Variants in GTPBP1 observed in about 807,000 individuals in gnomAD.
GTPBP1 encodes the protein GTP binding protein 1.
Under a neutral mutation model 62.0 loss-of-function variants are expected in GTPBP1, and 23 were observed. The ratio of observed to expected loss-of-function variants is 0.37; its 90% confidence interval spans 0.27 to 0.53. GTPBP1 has a LOEUF of 0.53. Ranked by LOEUF, GTPBP1 falls within the 20% of genes least tolerant of loss-of-function variation. GTPBP1 has a pLI of 0.89. For synonymous variants in GTPBP1, 344 were observed against 364.4 expected (o/e 0.94, Z 0.64); for missense variants, 640 against 917.3 (o/e 0.70, Z 3.90).
At chr22:38,707,297 T>C (rs1010194789) in intron 1 of GTPBP1, among the ~76,000 whole-genome samples, 4 of 152,228 alleles carry the variant, frequency 2.6e-5, no homozygotes, top group Admixed American at 6.5e-5. Flanking sequence ...TTGAAAATGT[T>C]TGTGACTTTT....
chr22:38,739,001 A>T, downstream of GTPBP1: 10 of 1,601,576 alleles, frequency 6.2e-6, no homozygotes, highest in Non-Finnish European at 8.5e-6. The surrounding 1 kb of genome is among the most constrained non-coding windows in gnomAD (Gnocchi z 6.7). Flanking sequence ...GAGACAGGAG[A>T]GGAAGGCAGG....
At position 38,726,855 on chromosome 22, in the gene GTPBP1, TA is replaced by T. The variant is rs750108023; in HGVS notation, c.1402-355del. Among the ~76,000 whole-genome samples, 2 of 152,178 alleles carry T rather than the reference TA, an allele frequency of 1.3e-5. No homozygotes were observed. The highest frequency in any genetic ancestry group is 2.9e-5 in the Non-Finnish European group (2 of 68,032). Reference sequence around the variant, plus strand: ...GGGTCACCTACCTTTACCCACCAACTAAATTAACCAGGAATAGTAGGACTTT... The same window carrying T: ...GGGTCACCTACCTTTACCCACCAACTAATTAACCAGGAATAGTAGGACTTT... On this transcript the variant is annotated intron_variant, in intron 8 of 11. Coordinates refer to ENST00000216044, the MANE Select transcript of GTPBP1 (RefSeq NM_004286.5). This position sits in a 1 kb window ranked among gnomAD's most constrained non-coding sequence, Gnocchi z 4.1.
intron 10 of GTPBP1, chr22:38,729,234 A>G: frequency 2.4e-6 from 1 of 418,514 alleles, no homozygotes; most frequent in Non-Finnish European, 4.2e-6. Flanking sequence ...GCAGGAAGTG[A>G]GGCATGAGTC....
chr22:38,741,425 G>A (rs2092856639), downstream of GTPBP1: 5 of 1,498,608 alleles, frequency 3.3e-6, no homozygotes, highest in African/African-American at 1.4e-5. Context: ...GGGCCGAGGG[G>A]TCCGAGGTGA....
chr22:38,736,186 G>C (rs377680508), downstream of GTPBP1: 3 of 1,323,848 alleles, frequency 2.3e-6, no homozygotes, highest in African/African-American at 1.4e-5. Context: ...AAGTCAGAGC[G>C]CCGAGCAAGC....
At chr22:38,729,391 G>C in intron 10 of GTPBP1, 71 bp from the exon 11 acceptor site, 1 of 1,155,198 alleles carries the variant, frequency 8.7e-7, no homozygotes, top group African/African-American at 1.6e-5. Flanking sequence ...GGGGGCTGAG[G>C]GTGGGGGGTA....
chr22:38,720,363 G>A (rs1180241122), intron 4 of GTPBP1, among the ~76,000 whole-genome samples: 1 of 151,862 alleles, frequency 6.6e-6, no homozygotes, highest in African/African-American at 2.4e-5. Context: ...GGGATTACAG[G>A]CAACTGCCAC....
At chr22:38,717,050 G>C in intron 4 of GTPBP1, 50 bp downstream of exon 4, 1 of 1,125,490 alleles carries the variant, frequency 8.9e-7, no homozygotes, top group Non-Finnish European at 1.3e-6. Flanking sequence ...GGCTGCTTGG[G>C]TCTGGTTATG....
intron 4 of GTPBP1, among the ~76,000 whole-genome samples, chr22:38,719,121 T>C (rs2145860952): frequency 6.6e-6 from 1 of 152,258 alleles, no homozygotes; most frequent in South Asian, 2.1e-4. Context: ...TTCTCCTGTC[T>C]CAGCTTCCCG....
Position 38,732,103 on chromosome 22 carries a change from C to G in GTPBP1, c.*1399C>G, listed in dbSNP as rs2092763714. 6.5e-6 allele frequency: 1 copy of G among 153,056 alleles called. No individual in the cohort carries two copies. The highest frequency in any genetic ancestry group is 1.5e-5 in the Non-Finnish European group (1 of 68,374). The allele number at this position is 153,056 out of a possible 1,614,324, so 9.5% of individuals were successfully genotyped here. A position where few individuals can be genotyped will look rare whatever the true frequency, so the allele number is the denominator to read the frequency against. On this transcript the variant is annotated 3_prime_UTR_variant, in exon 12 of 12. Transcript: ENST00000216044. The stretch of plus-strand genomic sequence containing the variant: ...TCCTCAGCCTTGCCTCCTCCTGTCC[C>G]CAACCCTTTCCTTTCCTCCTGCTTG...
At chr22:38,710,511 G>A (rs1387218599) in intron 2 of GTPBP1, among the ~76,000 whole-genome samples, 1 of 152,156 alleles carries the variant, frequency 6.6e-6, no homozygotes, top group Non-Finnish European at 1.5e-5. Flanking sequence ...ACCACCTAAA[G>A]GAAGGCATGG....
chr22:38,713,086 G>T (rs1226989329), intron 2 of GTPBP1, among the ~76,000 whole-genome samples: 1 of 152,180 alleles, frequency 6.6e-6, no homozygotes, highest in African/African-American at 2.4e-5. Flanking sequence ...ACAGACATTT[G>T]TGGGCAGAAT....
At position 38,722,959 on chromosome 22, in the gene GTPBP1, C is replaced by T. The variant is rs536616222; in HGVS notation, c.958+1094C>T. ...CCATTGGGGTCAGTTATGAAGAGAC[C>T]TCTTAGTGCAAGACCAGAACCTTCT... On this transcript the variant is annotated intron_variant, in intron 5 of 11. Transcript: ENST00000216044. The T allele has an allele frequency of 1.3e-4, 121 of 906,472 alleles. No homozygotes were observed. The African/African-American group carries it at 1.8e-3, about 13-fold the overall frequency. 56.2% of individuals were successfully genotyped at this position (906,472 alleles called of 1,614,324 possible).
downstream of GTPBP1, chr22:38,739,404 T>A: frequency 6.2e-7 from 1 of 1,613,116 alleles, no homozygotes; most frequent in Non-Finnish European, 8.5e-7. This position sits in a 1 kb window ranked among gnomAD's most constrained non-coding sequence, Gnocchi z 6.7. Context: ...CTGCAGGGCC[T>A]GCTTCACGAT....
Position 38,724,431 on chromosome 22 carries a change from C to T in GTPBP1, c.1073+20C>T, listed in dbSNP as rs745787677. ...TGAAAGGTAACGCGTGGGGAGCGCA[C>T]ACTTCAGACAGGCACCCTTGCAGGC... On this transcript the variant is annotated intron_variant, in intron 6 of 11. Transcript: ENST00000216044. The T allele has an allele frequency of 2.1e-6, 3 of 1,407,282 alleles. No individual in the cohort carries two copies. The South Asian group carries it at 3.4e-5, about 16-fold the overall frequency. 87.2% of individuals were successfully genotyped at this position (1,407,282 alleles called of 1,614,324 possible). A position where few individuals can be genotyped will look rare whatever the true frequency, so the allele number is the denominator to read the frequency against.
At chr22:38,708,808 G>GCAAGTGTGGTC in intron 1 of GTPBP1, 37 bp from the exon 2 acceptor site, 1 of 1,138,298 alleles carries the variant, frequency 8.8e-7, no homozygotes, top group South Asian at 1.2e-5. Context: ...TGCTCTTCTA[G>GCAAGTGTGGTC]CAAGTGTGGT....
rs2092752978 is a variant in GTPBP1, at chr22:38,730,660, G to A, written c.1966G>A (p.Val656Met). The change falls in exon 12 of 12, where the codon GTG becomes ATG. Residue 656 changes from valine (V) to methionine (M), a missense_variant. By Grantham distance (21) the Val-to-Met change is conservative. Around this residue, in one of 4 missense-constraint regions of GTPBP1, gnomAD observed 117 missense variants for 107.1 expected, o/e 1.09. Coordinates refer to ENST00000216044, the MANE Select transcript of GTPBP1 (RefSeq NM_004286.5). This position sits in a 1 kb window ranked among gnomAD's most constrained non-coding sequence, Gnocchi z 5.6. Reference sequence around the variant, plus strand: ...GCGACGAGGGGGCCAGCGCCACAAGGTGAAGTCCCAGGGGGCCTGTGTGAC... The same window carrying A: ...GCGACGAGGGGGCCAGCGCCACAAGATGAAGTCCCAGGGGGCCTGTGTGAC... ...GRRRGGQRHK[V>M]KSQGACVTPA... is the part of the protein sequence containing the mutation. 6.2e-7 allele frequency: 1 copy of A among 1,605,850 alleles called. No homozygotes were observed. Among genetic ancestry groups the A allele is most frequent in the Non-Finnish European group, 8.5e-7 (1 of 1,179,150 alleles).
intron 4 of GTPBP1, among the ~76,000 whole-genome samples, chr22:38,720,484 C>T (rs1275191709): frequency 6.6e-6 from 1 of 152,092 alleles, no homozygotes; most frequent in Non-Finnish European, 1.5e-5. Context: ...CCCACCTTGG[C>T]CTCCCAAAGT....
At chr22:38,739,127 G>A (rs1251270055), downstream of GTPBP1, 1 of 970,446 alleles carries the variant, frequency 1.0e-6, no homozygotes, top group East Asian at 2.6e-5. This position sits in a 1 kb window ranked among gnomAD's most constrained non-coding sequence, Gnocchi z 6.7. Flanking sequence ...GCTCAGAGCA[G>A]CTTTAAAGGT....
Sources: allele counts gnomAD v4.1 joint callset (sites outside exome capture counted in the v4.1 genomes callset), GRCh38; gene constraint gnomAD v4.1.1; regional missense constraint gnomAD v4.1.1; non-coding constraint Gnocchi (gnomAD v3.1); transcripts MANE v1.5; gene names NCBI Gene and HGNC (gene_info 2026-07-23, HGNC 2026-07-21).